NDUFAF6: variants seen among roughly 807,000 people sequenced by gnomAD.
The protein encoded by NDUFAF6 is NADH dehydrogenase (ubiquinone) complex I, assembly factor 6.
NDUFAF6 carries 45 observed loss-of-function variants against 40.8 expected under a neutral mutation model. That is an observed-to-expected ratio of 1.10 (90% CI 0.87 to 1.42). The LOEUF is 1.42. Ranked by LOEUF, NDUFAF6 falls within the 40% of genes most tolerant of loss-of-function variation. The pLI is 0.00. For missense variants in NDUFAF6, 435 were observed against 418.5 expected (o/e 1.04, Z -0.34); for synonymous variants, 185 against 155.9 (o/e 1.19, Z -1.39).
intron 1 of NDUFAF6, among the ~76,000 whole-genome samples, chr8:94,908,657 A>G (rs554857594): frequency 6.6e-6 from 1 of 152,312 alleles, no homozygotes; most frequent in South Asian, 2.1e-4. Context: ...GATGTGAGCC[A>G]CCGCTCGTGG....
downstream of NDUFAF6, among the ~76,000 whole-genome samples, chr8:95,059,317 CTG>C (rs966073068): frequency 1.3e-5 from 2 of 152,104 alleles, no homozygotes; most frequent in African/African-American, 2.4e-5. Flanking sequence ...CAAATTCAAA[CTG>C]AGAGCTTTTG....
intron 1 of NDUFAF6, among the ~76,000 whole-genome samples, chr8:94,896,944 C>T (rs574509691): frequency 1.3e-5 from 2 of 152,186 alleles, no homozygotes; most frequent in African/African-American, 4.8e-5. Flanking sequence ...TTGTCAGTCC[C>T]AAGAAACTTT....
chr8:94,980,861 A>G, exon 2 of NDUFAF6: 1 of 443,816 alleles, frequency 2.3e-6, no homozygotes, highest in Non-Finnish European at 4.5e-6. Flanking sequence ...TTAGGCAGCC[A>G]CCTCTCAACA....
At chr8:94,955,627 C>T (rs1823009266), upstream of NDUFAF6, among the ~76,000 whole-genome samples, 1 of 151,802 alleles carries the variant, frequency 6.6e-6, no homozygotes, top group South Asian at 2.1e-4. Context: ...TTTTTTGAAC[C>T]CCAAATAGAT....
At chr8:94,942,855 C>A (rs1821676652) in intron 1 of NDUFAF6, among the ~76,000 whole-genome samples, 1 of 152,086 alleles carries the variant, frequency 6.6e-6, no homozygotes, top group Non-Finnish European at 1.5e-5. Context: ...CGCTCAAGGT[C>A]CAGAGGGAGG....
chr8:95,051,446 T>C (rs1831415208), intron 7 of NDUFAF6, among the ~76,000 whole-genome samples: 1 of 152,022 alleles, frequency 6.6e-6, no homozygotes, highest in South Asian at 2.1e-4. Flanking sequence ...CAGTAGATGG[T>C]TGGGGGTCAA....
At chr8:94,909,442 T>A (rs1475510421) in intron 1 of NDUFAF6, among the ~76,000 whole-genome samples, 1 of 138,774 alleles carries the variant, frequency 7.2e-6, no homozygotes, top group Non-Finnish European at 1.5e-5. Context: ...CTGGTCAACA[T>A]AGTGAAACCC....
downstream of NDUFAF6, among the ~76,000 whole-genome samples, chr8:95,106,587 C>T (rs528524115): frequency 2.0e-5 from 3 of 152,208 alleles, no homozygotes; most frequent in East Asian, 3.9e-4. Flanking sequence ...GACTTCATAA[C>T]GAAAACACCA....
At chr8:95,087,187 A>G (rs1263075458) in intron 2 of NDUFAF6, among the ~76,000 whole-genome samples, 1 of 152,210 alleles carries the variant, frequency 6.6e-6, no homozygotes, top group Non-Finnish European at 1.5e-5. Context: ...AGAGTAGCCA[A>G]CATAGGAAAG....
upstream of NDUFAF6, chr8:95,023,454 C>G (rs1827782587): frequency 6.6e-6 from 1 of 152,216 alleles, no homozygotes. Context: ...AGAGTTGAGG[C>G]AGAAAGGTAA....
chr8:95,009,935 T>C (rs1275269852), intron 2 of NDUFAF6, among the ~76,000 whole-genome samples: 2 of 152,228 alleles, frequency 1.3e-5, no homozygotes, highest in East Asian at 3.8e-4. Context: ...AAGTATTTTT[T>C]CTTCTTAGCA....
chr8:95,047,012 CA>C lies in NDUFAF6; in HGVS notation c.600del (p.Asp201IlefsTer17), dbSNP rs758181982. The C allele has an allele frequency of 6.2e-7, 1 of 1,614,114 alleles. No homozygotes were observed. On this transcript the variant is annotated frameshift_variant, in exon 6 of 9. Coordinates refer to ENST00000396124, the MANE Select transcript of NDUFAF6 (RefSeq NM_152416.4). LOFTEE classifies it high-confidence loss of function. ...LEILGIKDLH[A>X]DHAASHIGKA... Reference sequence around the variant, plus strand: ...ATCATAGGTATAAAGGATCTTCATGCAGATCATGCTGCAAGTCATATTGGAA... The same window carrying C: ...ATCATAGGTATAAAGGATCTTCATGCGATCATGCTGCAAGTCATATTGGAA...
At chr8:95,018,692 G>A (rs1450714675) in intron 2 of NDUFAF6, among the ~76,000 whole-genome samples, 2 of 152,168 alleles carry the variant, frequency 1.3e-5, no homozygotes, top group African/African-American at 4.8e-5. Context: ...TGATTGAACT[G>A]ATCTTGGTAC....
At chr8:95,028,512 A>G in intron 1 of NDUFAF6, among the ~76,000 whole-genome samples, 1 of 152,206 alleles carries the variant, frequency 6.6e-6, no homozygotes, top group East Asian at 1.9e-4. Flanking sequence ...TTCCATCCAA[A>G]ATTTAAAAAT....
chr8:95,025,024 C>T lies in NDUFAF6; in HGVS notation c.16C>T (p.His6Tyr), dbSNP rs1290252556. 8 of 1,353,212 alleles carry T rather than the reference C, an allele frequency of 5.9e-6. No individual in the cohort carries two copies. The highest frequency in any genetic ancestry group is 3.0e-5 in the African/African-American group (2 of 65,648). The allele number at this position is 1,353,212 out of a possible 1,614,324, so 83.8% of individuals were successfully genotyped here. MAASAHGSVWGPLRLG... is the reference protein window; with the variant it reads MAASAYGSVWGPLRLG... ...TGCCGGCGTCATGGCGGCCTCCGCG[C>T]ACGGCTCTGTCTGGGGGCCGTTGCG... The change falls in exon 1 of 9, where the codon CAC becomes TAC. Residue 6 changes from histidine to tyrosine, a missense_variant. Transcript: ENST00000396124.
chr8:94,900,096 C>G (rs916661965), intron 1 of NDUFAF6, among the ~76,000 whole-genome samples: 4 of 152,172 alleles, frequency 2.6e-5, no homozygotes, highest in African/African-American at 9.7e-5. Flanking sequence ...GTAGGACTTT[C>G]CTTTGTAGCA....
intron 1 of NDUFAF6, chr8:94,939,657 CA>C: frequency 2.8e-6 from 2 of 720,610 alleles, no homozygotes; most frequent in Non-Finnish European, 2.2e-6. Context: ...CTTGGCCTCC[CA>C]AAGTGCTGGG....
intron 2 of NDUFAF6, among the ~76,000 whole-genome samples, chr8:94,995,262 A>T (rs1016663141): frequency 9.2e-5 from 14 of 152,144 alleles, no homozygotes; most frequent in Non-Finnish European, 1.5e-5. Flanking sequence ...TATCTAAAGG[A>T]GTTAAAATGA....
chr8:95,059,374 C>A (rs970651872), downstream of NDUFAF6, among the ~76,000 whole-genome samples: 3 of 152,134 alleles, frequency 2.0e-5, no homozygotes, highest in South Asian at 4.1e-4. Context: ...TCACCCCCAC[C>A]ACACACCTAG....
Sources: allele counts gnomAD v4.1 joint callset (sites outside exome capture counted in the v4.1 genomes callset), GRCh38; gene constraint gnomAD v4.1.1; transcripts MANE v1.5; gene names NCBI Gene and HGNC (gene_info 2026-07-23, HGNC 2026-07-21).